Variants in GDPD4 observed in about 807,000 individuals in gnomAD.
GDPD4 encodes the protein glycerophosphodiester phosphodiesterase domain containing 4, also known as glycerophosphodiester phosphodiesterase 6.
Under a neutral mutation model 67.8 loss-of-function variants are expected in GDPD4, and 60 were observed. The observed-to-expected ratio is 0.88, with a 90% confidence interval of 0.72 to 1.10. GDPD4 has a LOEUF of 1.10. Among genes scored for constraint, GDPD4 ranks in the 50% least tolerant of loss-of-function variants. GDPD4 has a pLI of 0.00. For synonymous variants in GDPD4, 212 were observed against 210.9 expected, an observed-to-expected ratio of 1.00 and a Z score of -0.04; for missense variants, 623 against 613.9, an observed-to-expected ratio of 1.01 and a Z score of -0.16.
intron 11 of GDPD4, among the ~76,000 whole-genome samples, chr11:77,258,183 T>C (rs1196294146): frequency 1.3e-5 from 2 of 152,242 alleles, no homozygotes; most frequent in Non-Finnish European, 2.9e-5. Flanking sequence ...CTTCAGACTT[T>C]CTAGTGAATG....
chr11:77,223,549 G>C (rs1958268035), intron 16 of GDPD4, among the ~76,000 whole-genome samples: 1 of 152,154 alleles, frequency 6.6e-6, no homozygotes, highest in African/African-American at 2.4e-5. Context: ...ATTGCTGCCT[G>C]ATTCTTACTC....
chr11:77,218,160 G>C (rs888766601), intron 16 of GDPD4, among the ~76,000 whole-genome samples: 1 of 151,342 alleles, frequency 6.6e-6, no homozygotes, highest in South Asian at 2.1e-4. Context: ...GGAATTTTTA[G>C]ATCAATTCCA....
At chr11:77,217,984 ATTTTT>A (rs1357085918) in intron 16 of GDPD4, among the ~76,000 whole-genome samples, 2 of 150,938 alleles carry the variant, frequency 1.3e-5, no homozygotes, top group Non-Finnish European at 2.9e-5. Context: ...TTTACCTTTT[ATTTTT>A]ATTAATTAAT....
chr11:77,242,190 T>C lies in GDPD4; in HGVS notation c.1241+1504A>G, dbSNP rs960913043. Among the ~76,000 whole-genome samples the C allele has an allele frequency of 8.5e-5, 13 of 152,154 alleles. 1 individual carries two copies. The highest frequency in any genetic ancestry group is 2.7e-4 in the African/African-American group (11 of 41,428). ...GAGAGTAAATTCAAATATCTTAACA[T>C]GAAAAAGATATGATATATGTTAATT... On this transcript the variant is annotated intron_variant, in intron 13 of 16. Transcript: ENST00000315938.
intron 16 of GDPD4, among the ~76,000 whole-genome samples, chr11:77,219,851 T>C (rs1202283629): frequency 6.6e-6 from 1 of 152,246 alleles, no homozygotes; most frequent in African/African-American, 2.4e-5. Context: ...AGGATTGTCT[T>C]GGCAATGCCT....
chr11:77,281,025 A>G (rs898773245), intron 3 of GDPD4, among the ~76,000 whole-genome samples: 10 of 152,140 alleles, frequency 6.6e-5, no homozygotes, highest in Non-Finnish European at 1.5e-4. Flanking sequence ...CTGACTTAGT[A>G]TTTTTAAGCA....
rs1008853726 is a variant in GDPD4 at position 77,285,029 on chromosome 11, T to G, written c.53+56A>C. ...TTTTCAGCCTGAGGTAGAATCCAGG[T>G]GGCTATCAGACCAAAATACCCTTAC... On this transcript the variant is annotated intron_variant, in intron 3 of 16. Transcript: ENST00000315938. 4.1e-6 allele frequency: 5 copies of G among 1,220,712 alleles called. No individual in the cohort carries two copies. In the African/African-American group the frequency reaches 6.0e-5, roughly 15 times the overall value. 75.6% of individuals were successfully genotyped at this position (1,220,712 alleles called of 1,614,324 possible). A position where few individuals can be genotyped will look rare whatever the true frequency, so the allele number is the denominator to read the frequency against.
chr11:77,295,784 A>G (rs1937933907), intron 1 of GDPD4, among the ~76,000 whole-genome samples: 1 of 152,250 alleles, frequency 6.6e-6, no homozygotes, highest in Non-Finnish European at 1.5e-5. Flanking sequence ...ATCAATATTA[A>G]TAACTTCTAG....
chr11:77,280,834 C>T (rs1041186222), intron 3 of GDPD4, among the ~76,000 whole-genome samples: 2 of 151,964 alleles, frequency 1.3e-5, no homozygotes, highest in African/African-American at 4.8e-5. Context: ...ATGGTAGTGG[C>T]GTGAAAAAAG....
chr11:77,285,200 A>T lies in GDPD4; in HGVS notation c.-50-13T>A, dbSNP rs1448049154. ...ATAATTGCTCTTTCTGGGAAAAGAA[A>T]AAAGAAATCTAACTTAGCTCCATTT... is the stretch of plus-strand genomic sequence containing the variant. On this transcript the variant is annotated splice_polypyrimidine_tract_variant and intron_variant, in intron 2 of 16. Transcript: ENST00000315938. The T allele has an allele frequency of 7.6e-7, 1 of 1,314,082 alleles. No homozygotes were observed. Among genetic ancestry groups the T allele is most frequent in the Non-Finnish European group, 1.1e-6 (1 of 914,156 alleles). The allele number at this position is 1,314,082 out of a possible 1,614,324, so 81.4% of individuals were successfully genotyped here. A position where few individuals can be genotyped will look rare whatever the true frequency, so the allele number is the denominator to read the frequency against.
intron 13 of GDPD4, among the ~76,000 whole-genome samples, chr11:77,239,970 A>G (rs2135838952): frequency 6.6e-6 from 1 of 152,002 alleles, no homozygotes; most frequent in Non-Finnish European, 1.5e-5. Context: ...AGAAAAAAAA[A>G]AAAAATTGGT....
At chr11:77,257,075 A>C (rs1959015837) in intron 11 of GDPD4, among the ~76,000 whole-genome samples, 1 of 152,200 alleles carries the variant, frequency 6.6e-6, no homozygotes, top group Non-Finnish European at 1.5e-5. Context: ...ACCAGTACAC[A>C]ATCAAAAATC....
chr11:77,263,718 C>CA (rs1959162673), intron 10 of GDPD4, among the ~76,000 whole-genome samples: 1 of 152,246 alleles, frequency 6.6e-6, no homozygotes, highest in South Asian at 2.1e-4. Flanking sequence ...CCTTTTGTCT[C>CA]AGGTTCTCAT....
At chr11:77,298,844 T>A (rs1938067482) in intron 1 of GDPD4, among the ~76,000 whole-genome samples, 3 of 152,202 alleles carry the variant, frequency 2.0e-5, no homozygotes, top group Admixed American at 6.5e-5. Flanking sequence ...TTTTTCTTTT[T>A]TGACTTATAT....
chr11:77,227,641 G>A (rs1233324963), intron 16 of GDPD4, among the ~76,000 whole-genome samples: 2 of 152,158 alleles, frequency 1.3e-5, no homozygotes, highest in Non-Finnish European at 2.9e-5. Flanking sequence ...ATCTTCCAAG[G>A]GGCCTCACTG....
intron 13 of GDPD4, among the ~76,000 whole-genome samples, chr11:77,235,013 T>TTTTTTG (rs1958527769): frequency 1.9e-5 from 1 of 53,044 alleles, no homozygotes; most frequent in Non-Finnish European, 3.8e-5. Context: ...ATATCTGTTT[T>TTTTTTG]TTTTTTTTTT....
At chr11:77,291,208 G>A (rs1937760525) in intron 1 of GDPD4, among the ~76,000 whole-genome samples, 2 of 152,190 alleles carry the variant, frequency 1.3e-5, no homozygotes, top group East Asian at 3.9e-4. Context: ...ATGAAATTCT[G>A]TCATTTGCAG....
chr11:77,297,710 A>T (rs1358429778), intron 1 of GDPD4, among the ~76,000 whole-genome samples: 1 of 152,176 alleles, frequency 6.6e-6, no homozygotes, highest in Non-Finnish European at 1.5e-5. Flanking sequence ...GTTTGTGGGG[A>T]TTATTGAGTG....
intron 3 of GDPD4, among the ~76,000 whole-genome samples, chr11:77,282,663 G>A (rs1021901909): frequency 6.6e-6 from 1 of 151,394 alleles, no homozygotes; most frequent in African/African-American, 2.4e-5. Context: ...CTCCAGCCTG[G>A]GCAACAGAGT....
Sources: allele counts gnomAD v4.1 joint callset (sites outside exome capture counted in the v4.1 genomes callset), GRCh38; gene constraint gnomAD v4.1.1; transcripts MANE v1.5; gene names NCBI Gene and HGNC (gene_info 2026-07-23, HGNC 2026-07-21).